KHDC1: variants seen among roughly 807,000 people sequenced by gnomAD.
KHDC1 encodes KH homology domain-containing protein 1.
KHDC1 carries 21 observed loss-of-function variants against 24.7 expected under a neutral mutation model. The observed-to-expected ratio is 0.85, with a 90% CI of 0.60 to 1.23. The LOEUF (loss-of-function observed/expected upper bound fraction) is 1.23. Ranked by LOEUF, KHDC1 falls within the 50% of genes most tolerant of loss-of-function variation. KHDC1 has a pLI of 0.00. For missense variants in KHDC1, 274 were observed against 298.5 expected, an observed-to-expected ratio of 0.92 and a Z score of 0.61; for synonymous variants, 98 against 111.7, an observed-to-expected ratio of 0.88 and a Z score of 0.77.
chr6:73,260,247 A>T (rs982853121), intron 2 of KHDC1, among the ~76,000 whole-genome samples: 1 of 152,170 alleles, frequency 6.6e-6, no homozygotes, highest in Non-Finnish European at 1.5e-5. Flanking sequence ...AATTGAAATC[A>T]TTCTATCAAG....
chr6:73,287,464 G>C (rs962888619), intron 2 of KHDC1, among the ~76,000 whole-genome samples: 1 of 152,152 alleles, frequency 6.6e-6, no homozygotes, highest in Non-Finnish European at 1.5e-5. Context: ...AGAAATCAAG[G>C]CTAGATGATT....
intron 2 of KHDC1, among the ~76,000 whole-genome samples, chr6:73,290,101 C>T (rs1270471395): frequency 3.2e-5 from 2 of 61,610 alleles, no homozygotes; most frequent in East Asian, 1.1e-3. Flanking sequence ...AGCGAGACTC[C>T]GTCTCAAAAA....
intron 2 of KHDC1, among the ~76,000 whole-genome samples, chr6:73,254,556 T>C (rs927544297): frequency 3.3e-5 from 5 of 151,814 alleles, no homozygotes; most frequent in African/African-American, 1.2e-4. Flanking sequence ...GTGTTTCTGC[T>C]CTAAAATGCA....
At chr6:73,254,261 G>C (rs1766837107) in intron 2 of KHDC1, among the ~76,000 whole-genome samples, 1 of 151,912 alleles carries the variant, frequency 6.6e-6, no homozygotes, top group Admixed American at 6.6e-5. Flanking sequence ...AGGAGTTTAA[G>C]ACCAGCCTGG....
At chr6:73,288,728 G>T (rs886750508) in intron 2 of KHDC1, among the ~76,000 whole-genome samples, 1 of 145,646 alleles carries the variant, frequency 6.9e-6, no homozygotes, top group Admixed American at 7.1e-5. Context: ...TAAGGCTGTA[G>T]AAGGGTATGA....
At chr6:73,248,877 GA>G (rs201060580) in intron 2 of KHDC1, among the ~76,000 whole-genome samples, 1,426 of 142,304 alleles carry the variant, frequency 0.01, 11 homozygotes, top group Non-Finnish European at 0.012. Context: ...ATTTTTTGAA[GA>G]AAAAAAATTA....
chr6:73,257,445 G>T (rs144121869), intron 2 of KHDC1, among the ~76,000 whole-genome samples: 14 of 152,264 alleles, frequency 9.2e-5, no homozygotes, highest in African/African-American at 3.4e-4. Context: ...TCACTCTTTC[G>T]CCAGACTGGA....
intron 2 of KHDC1, among the ~76,000 whole-genome samples, chr6:73,245,962 T>C (rs113476312): frequency 0.015 from 2,338 of 152,342 alleles, 25 homozygotes; most frequent in Non-Finnish European, 0.023. Context: ...TTTAGCATAG[T>C]GGTAAATTAT....
intron 1 of KHDC1, among the ~76,000 whole-genome samples, chr6:73,308,452 C>T (rs562360628): frequency 1.3e-5 from 2 of 151,622 alleles, no homozygotes; most frequent in African/African-American, 4.8e-5. Flanking sequence ...CTCGGGTGAT[C>T]CACCTGCCTC....
chr6:73,271,950 C>T (rs1417509317), intron 2 of KHDC1, among the ~76,000 whole-genome samples: 2 of 151,354 alleles, frequency 1.3e-5, no homozygotes, highest in Non-Finnish European at 2.9e-5. Flanking sequence ...TGGGGATGTC[C>T]TTGGTACATA....
intron 1 of KHDC1, chr6:73,292,672 C>A: frequency 1.3e-6 from 1 of 751,252 alleles, no homozygotes. Flanking sequence ...CTTCCTTTAC[C>A]AGCCACAGCA....
chr6:73,248,585 G>A (rs1023908715), intron 2 of KHDC1, among the ~76,000 whole-genome samples: 1 of 152,164 alleles, frequency 6.6e-6, no homozygotes, highest in African/African-American at 2.4e-5. Context: ...GAAAATTAGA[G>A]TACAGAATGC....
At chr6:73,299,122 A>G (rs1405762633) in intron 1 of KHDC1, 1 of 152,330 alleles carries the variant, frequency 6.6e-6, no homozygotes, top group Non-Finnish European at 1.5e-5. Flanking sequence ...ACGGCAAGAA[A>G]TGGGAGCACG....
chr6:73,275,715 C>G lies in KHDC1; in HGVS notation c.206+16283G>C, dbSNP rs959936140. 14 of 164,940 alleles carry G rather than the reference C, an allele frequency of 8.5e-5. 1 individual carries two copies. The highest frequency in any genetic ancestry group is 3.4e-4 in the African/African-American group (14 of 41,424). The allele number at this position is 164,940 out of a possible 1,614,324, so 10.2% of individuals were successfully genotyped here. On this transcript the variant is annotated intron_variant, in intron 2 of 4. Transcript: ENST00000370384. ...ACATCTTTCCCCTCTCCCCCCAATC[C>G]CCTCCCAGCCTTGCCCCATTTGGTA...
intron 2 of KHDC1, among the ~76,000 whole-genome samples, chr6:73,249,571 T>C (rs936785692): frequency 6.6e-6 from 1 of 152,090 alleles, no homozygotes; most frequent in Non-Finnish European, 1.5e-5. Flanking sequence ...ATGGAGTAAG[T>C]AATCATCTTT....
chr6:73,280,595 A>T (rs1767385884), intron 2 of KHDC1, among the ~76,000 whole-genome samples: 1 of 140,134 alleles, frequency 7.1e-6, no homozygotes, highest in African/African-American at 2.7e-5. Flanking sequence ...ATCTCGGCTC[A>T]CCGCAACCTC....
At chr6:73,299,304 G>A (rs1429265037) in intron 1 of KHDC1, 1 of 152,294 alleles carries the variant, frequency 6.6e-6, no homozygotes, top group African/African-American at 2.4e-5. Context: ...AGCCCCGGGG[G>A]TGGGCACAGC....
At chr6:73,252,121 C>T (rs928762729) in intron 2 of KHDC1, among the ~76,000 whole-genome samples, 1 of 151,550 alleles carries the variant, frequency 6.6e-6, no homozygotes, top group African/African-American at 2.4e-5. Flanking sequence ...GGGCTCACTG[C>T]AACCTCTACC....
intron 2 of KHDC1, 89 bp from the exon 1 acceptor site, chr6:73,263,285 C>T (rs955079742): frequency 3.0e-6 from 3 of 985,570 alleles, no homozygotes; most frequent in South Asian, 4.7e-5. Flanking sequence ...AGACAGCCTG[C>T]GGAGCCCACT....
Sources: allele counts gnomAD v4.1 joint callset (sites outside exome capture counted in the v4.1 genomes callset), GRCh38; gene constraint gnomAD v4.1.1; transcripts MANE v1.5; gene names NCBI Gene and HGNC (gene_info 2026-07-23, HGNC 2026-07-21).